Variants in ATRNL1 observed in about 807,000 individuals in gnomAD.
The protein encoded by ATRNL1 is attractin-like protein 1.
In ATRNL1, 95 loss-of-function variants were observed where a neutral mutation model predicts 182.7. The ratio of observed to expected loss-of-function variants is 0.52; its 90% confidence interval spans 0.44 to 0.62. The LOEUF (loss-of-function observed/expected upper bound fraction) is 0.62, where lower values mean the gene tolerates loss of function less well. Among genes scored for constraint, ATRNL1 ranks in the 20% least tolerant of loss-of-function variants. ATRNL1 has a pLI of 0.00. For missense variants in ATRNL1, 1,471 were observed against 1,679.5 expected (o/e 0.88, Z 2.17); for synonymous variants, 576 against 568.3 (o/e 1.01, Z -0.19).
In ATRNL1 at chr10:115,333,982, G is replaced by T. The variant is rs181943581; in HGVS notation, c.3038-300G>T. On this transcript the variant is annotated intron_variant, in intron 18 of 28. Coordinates refer to ENST00000355044, the MANE Select transcript of ATRNL1 (RefSeq NM_207303.4). ...AACTTAACAGACATACCATTCTTATGAATTTTTAAGGATTATGCTAAAGAT... is the reference window on the plus strand; with the variant it reads ...AACTTAACAGACATACCATTCTTATTAATTTTTAAGGATTATGCTAAAGAT... Among the ~76,000 whole-genome samples, 6 of 152,016 alleles carry T rather than the reference G, an allele frequency of 3.9e-5. No homozygotes were observed. The East Asian group carries it at 1.2e-3, about 29-fold the overall frequency.
chr10:115,145,273 T>C (rs1195176902), intron 5 of ATRNL1, among the ~76,000 whole-genome samples: 1 of 152,158 alleles, frequency 6.6e-6, no homozygotes, highest in Non-Finnish European at 1.5e-5. Context: ...GCCTCAACCA[T>C]AGTGTCATCA....
chr10:115,280,747 G>T (rs1037673488), intron 13 of ATRNL1, among the ~76,000 whole-genome samples: 4 of 152,220 alleles, frequency 2.6e-5, no homozygotes, highest in African/African-American at 9.7e-5. Flanking sequence ...GTTGTCATCA[G>T]TTCGTGGGGG....
intron 19 of ATRNL1, among the ~76,000 whole-genome samples, chr10:115,354,445 A>G (rs1295050681): frequency 2.0e-5 from 3 of 152,148 alleles, no homozygotes; most frequent in Admixed American, 6.5e-5. Context: ...ATTGAAGGAT[A>G]TCTTTCCTGT....
chr10:115,328,656 C>T (rs1435824849), intron 18 of ATRNL1, among the ~76,000 whole-genome samples: 1 of 151,728 alleles, frequency 6.6e-6, no homozygotes, highest in African/African-American at 2.4e-5. Flanking sequence ...TTAAAGATAC[C>T]ATATATGACT....
intron 24 of ATRNL1, among the ~76,000 whole-genome samples, chr10:115,498,963 G>T (rs1849683125): frequency 6.6e-6 from 1 of 151,722 alleles, no homozygotes; most frequent in African/African-American, 2.4e-5. Context: ...AGTACCTTTG[G>T]TTACTTAACA....
chr10:115,369,768 C>T (rs1857290552), intron 19 of ATRNL1, among the ~76,000 whole-genome samples: 1 of 152,204 alleles, frequency 6.6e-6, no homozygotes, highest in Non-Finnish European at 1.5e-5. Flanking sequence ...AACAGCCATT[C>T]TAACAGATGT....
At chr10:115,668,598 G>T (rs577515465) in intron 26 of ATRNL1, among the ~76,000 whole-genome samples, 1 of 152,184 alleles carries the variant, frequency 6.6e-6, no homozygotes, top group Admixed American at 6.6e-5. Context: ...CCAGTGACCA[G>T]ACCTACAGTC....
At chr10:115,280,589 T>C (rs1554916473) in intron 13 of ATRNL1, among the ~76,000 whole-genome samples, 1 of 152,134 alleles carries the variant, frequency 6.6e-6, no homozygotes, top group African/African-American at 2.4e-5. Flanking sequence ...TTGAGAAATG[T>C]GGATCCAAGG....
chr10:115,344,925 C>T (rs527317717), intron 19 of ATRNL1, among the ~76,000 whole-genome samples: 11 of 152,262 alleles, frequency 7.2e-5, no homozygotes, highest in African/African-American at 2.4e-4. Context: ...CTAGAAATGT[C>T]GTCTGGAAGC....
intron 26 of ATRNL1, among the ~76,000 whole-genome samples, chr10:115,595,069 G>A (rs540335183): frequency 1.5e-4 from 23 of 152,286 alleles, no homozygotes; most frequent in Non-Finnish European, 2.1e-4. Context: ...AAACATTCAT[G>A]TAAATCAATA....
chr10:115,382,681 T>A (rs1858087788), intron 19 of ATRNL1, among the ~76,000 whole-genome samples: 1 of 150,428 alleles, frequency 6.6e-6, no homozygotes, highest in Non-Finnish European at 1.5e-5. Context: ...TACTTTTAAT[T>A]CTGTTCTTTG....
At chr10:115,190,720 C>G (rs1369345015) in intron 8 of ATRNL1, among the ~76,000 whole-genome samples, 1 of 152,040 alleles carries the variant, frequency 6.6e-6, no homozygotes, top group Admixed American at 6.6e-5. Context: ...AGGAACATTT[C>G]AGTTCTACTT....
intron 26 of ATRNL1, among the ~76,000 whole-genome samples, chr10:115,663,742 G>C (rs528718597): frequency 6.6e-6 from 1 of 152,072 alleles, no homozygotes; most frequent in South Asian, 2.1e-4. Flanking sequence ...CCAAAAAATC[G>C]CATTGGCTTG....
At position 115,286,382 on chromosome 10, in the gene ATRNL1, G is replaced by A. The variant is rs782699532; in HGVS notation, c.2400G>A (p.Gln800=). The change falls in exon 15 of 29, where the codon CAG becomes CAA. Residue 800 remains glutamine (Q), a synonymous_variant. Transcript: ENST00000355044. ...KEVEFVLDEI[Q]KYTQQKVSPW... ...TAGAATTTGTTCTGGATGAAATACA[G>A]AAGTATACACAACAGGTAACATTTC... 1.9e-6 allele frequency: 3 copies of A among 1,587,968 alleles called. No individual in the cohort carries two copies. The African/African-American group carries it at 4.0e-5, about 21-fold the overall frequency.
intron 10 of ATRNL1, among the ~76,000 whole-genome samples, chr10:115,253,650 C>T (rs1197461590): frequency 6.6e-6 from 1 of 151,932 alleles, no homozygotes; most frequent in Non-Finnish European, 1.5e-5. Flanking sequence ...GCATAATGTG[C>T]AGGTTTGATA....
At position 115,374,266 on chromosome 10, in the gene ATRNL1, A is replaced by G. The variant is rs969507093; in HGVS notation, c.3176-20393A>G. On this transcript the variant is annotated intron_variant, in intron 19 of 28. Transcript: ENST00000355044. ...TCTTAGTTTAGTTAATGGTTTGTCA[A>G]TTTTGTTTATCTTTTCAAAGGAAAA... 1.2e-4 allele frequency among the ~76,000 whole-genome samples: 18 copies of G among 151,488 alleles called. No individual in the cohort carries two copies. The East Asian group carries it at 3.5e-3, about 29-fold the overall frequency.
intron 26 of ATRNL1, among the ~76,000 whole-genome samples, chr10:115,617,070 C>T (rs1352946933): frequency 3.9e-5 from 6 of 152,218 alleles, no homozygotes; most frequent in African/African-American, 1.4e-4. Context: ...AAACACTCAA[C>T]AGAAGTCCAT....
intron 21 of ATRNL1, among the ~76,000 whole-genome samples, chr10:115,445,506 CGTGT>C (rs57237450): frequency 0.25 from 29,798 of 118,956 alleles, 3,605 homozygotes; most frequent in Non-Finnish European, 0.31. Context: ...CTCATTTGTC[CGTGT>C]GTGTGTGTGT....
chr10:115,632,213 A>G (rs1281100113), intron 26 of ATRNL1, among the ~76,000 whole-genome samples: 1 of 152,206 alleles, frequency 6.6e-6, no homozygotes, highest in Non-Finnish European at 1.5e-5. Flanking sequence ...GAGACCATAT[A>G]GGCAAGTAAT....
Sources: allele counts gnomAD v4.1 joint callset (sites outside exome capture counted in the v4.1 genomes callset), GRCh38; gene constraint gnomAD v4.1.1; transcripts MANE v1.5; gene names NCBI Gene and HGNC (gene_info 2026-07-23, HGNC 2026-07-21).